Variants in RAD52 observed in about 807,000 individuals in gnomAD.
RAD52 encodes the protein DNA repair protein RAD52 homolog.
A neutral mutation model predicts 55.5 loss-of-function variants in RAD52; 47 were observed. The ratio of observed to expected loss-of-function variants is 0.85; its 90% CI spans 0.67 to 1.08. The LOEUF is 1.08. RAD52 is among the 50% of genes least tolerant of loss of function. RAD52 has a pLI of 0.00. For missense variants in RAD52, 468 were observed against 522.8 expected, an observed-to-expected ratio of 0.90 and a Z score of 1.02; for synonymous variants, 184 against 198.9, an observed-to-expected ratio of 0.92 and a Z score of 0.63.
chr12:928,715 T>G (rs1237265567), intron 5 of RAD52, among the ~76,000 whole-genome samples: 1 of 152,120 alleles, frequency 6.6e-6, no homozygotes, highest in Non-Finnish European at 1.5e-5. Flanking sequence ...ATTTATGTTT[T>G]CTCTTCACCA....
chr12:951,180 A>C (rs1592461957), upstream of RAD52, among the ~76,000 whole-genome samples: 1 of 152,074 alleles, frequency 6.6e-6, no homozygotes, highest in South Asian at 2.1e-4. Flanking sequence ...TGCTGCAATC[A>C]TGGCTCACTG....
At chr12:961,902 G>A (rs1208332908) in intron 1 of RAD52, among the ~76,000 whole-genome samples, 1 of 152,012 alleles carries the variant, frequency 6.6e-6, no homozygotes, top group African/African-American at 2.4e-5. Flanking sequence ...AGACACTAGA[G>A]GGATGTGCTC....
chr12:923,232 AG>A (rs1003881009), intron 7 of RAD52, among the ~76,000 whole-genome samples: 6 of 151,512 alleles, frequency 4.0e-5, no homozygotes, highest in African/African-American at 1.5e-4. Flanking sequence ...TAAAAAAAAA[AG>A]CCCCCAAAAA....
In RAD52 at chr12:916,474, G is replaced by C; in HGVS notation, c.735C>G (p.Ser245Arg). The change falls in exon 9 of 12, where the codon AGC becomes AGG. Residue 245 changes from serine to arginine, a missense_variant. Physicochemically the swap from Ser to Arg is moderately radical, Grantham distance 110. Coordinates refer to ENST00000358495, the MANE Select transcript of RAD52 (RefSeq NM_134424.4). ...TGGCCTCGCTCTCCACGGCGGATGA[G>C]CTCAGGCTTCTGCATGAGAGGGCGG... ...ADQDCSSRSL[S>R]SSAVESEATH... The C allele has an allele frequency of 6.2e-7, 1 of 1,607,698 alleles. No individual in the cohort carries two copies. Among genetic ancestry groups the C allele is most frequent in the Non-Finnish European group, 8.5e-7 (1 of 1,179,568 alleles).
At chr12:980,664 C>T (rs1251244423) in intron 1 of RAD52, among the ~76,000 whole-genome samples, 8 of 151,362 alleles carry the variant, frequency 5.3e-5, no homozygotes, top group African/African-American at 1.5e-4. Context: ...TGCAGTGCCA[C>T]GATCTCAGCT....
intron 6 of RAD52, chr12:926,860 G>A (rs759290169): frequency 5.5e-5 from 85 of 1,536,594 alleles, no homozygotes; most frequent in Non-Finnish European, 7.3e-5. Context: ...ACTCGCAGTA[G>A]GAGTGGGAAG....
intron 1 of RAD52, among the ~76,000 whole-genome samples, chr12:973,230 C>G (rs1435352500): frequency 4.6e-5 from 7 of 151,884 alleles, no homozygotes; most frequent in Admixed American, 4.6e-4. Context: ...CCACCACACC[C>G]GGCTAAGTTT....
chr12:932,548 A>C (rs990242744), intron 2 of RAD52, among the ~76,000 whole-genome samples: 1 of 152,162 alleles, frequency 6.6e-6, no homozygotes, highest in Non-Finnish European at 1.5e-5. Context: ...AATAGGAAAT[A>C]GGGAGATTTT....
chr12:975,072 T>G (rs1460718609), intron 1 of RAD52: 1 of 152,058 alleles, frequency 6.6e-6, no homozygotes, highest in Non-Finnish European at 1.5e-5. Flanking sequence ...AACTGTTCTA[T>G]TACATTATTA....
At chr12:930,435 T>C (rs979865483) in intron 3 of RAD52, among the ~76,000 whole-genome samples, 2 of 152,110 alleles carry the variant, frequency 1.3e-5, no homozygotes, top group African/African-American at 4.8e-5. Flanking sequence ...AAAAATCTTC[T>C]AGATGGAGCC....
intron 1 of RAD52, among the ~76,000 whole-genome samples, chr12:983,646 C>T (rs935927425): frequency 6.6e-6 from 1 of 152,146 alleles, no homozygotes; most frequent in Non-Finnish European, 1.5e-5. Flanking sequence ...TCTCCAACTC[C>T]TGACCTCAGG....
chr12:973,843 G>C (rs1228258031), intron 1 of RAD52, among the ~76,000 whole-genome samples: 2 of 147,604 alleles, frequency 1.4e-5, no homozygotes, highest in Non-Finnish European at 3.0e-5. Flanking sequence ...CTGGAGTGCA[G>C]TGGTGTGATC....
chr12:971,850 G>A (rs574890577), intron 1 of RAD52, among the ~76,000 whole-genome samples: 3 of 152,056 alleles, frequency 2.0e-5, no homozygotes, highest in South Asian at 2.1e-4. Flanking sequence ...CGGGGTTCAC[G>A]CCATTCTCCT....
upstream of RAD52, among the ~76,000 whole-genome samples, chr12:950,636 C>G (rs1423196093): frequency 6.6e-6 from 1 of 151,240 alleles, no homozygotes; most frequent in Non-Finnish European, 1.5e-5. Context: ...TGGTCTTGAA[C>G]TCCTCGCCTC....
At chr12:952,793 G>A (rs1268996403), upstream of RAD52, among the ~76,000 whole-genome samples, 1 of 148,982 alleles carries the variant, frequency 6.7e-6, no homozygotes, top group Middle Eastern at 3.5e-3. Flanking sequence ...TTGGGAGGCT[G>A]AGGCAGGAGA....
At chr12:921,635 A>G (rs1299784373) in intron 7 of RAD52, among the ~76,000 whole-genome samples, 2 of 152,144 alleles carry the variant, frequency 1.3e-5, no homozygotes, top group Non-Finnish European at 2.9e-5. Flanking sequence ...CAGGGAGCCA[A>G]GCCATGATCA....
At chr12:969,314 C>T (rs1003844189) in intron 1 of RAD52, among the ~76,000 whole-genome samples, 2 of 151,902 alleles carry the variant, frequency 1.3e-5, no homozygotes, top group Non-Finnish European at 2.9e-5. Flanking sequence ...AACATTCTCA[C>T]AATGAGAACT....
At chr12:960,628 T>TTTG (rs896497270) in intron 1 of RAD52, among the ~76,000 whole-genome samples, 10 of 152,012 alleles carry the variant, frequency 6.6e-5, no homozygotes, top group Non-Finnish European at 1.5e-4. Flanking sequence ...ACACCCTATT[T>TTTG]TTGTTGTTGT....
At chr12:960,252 T>C (rs1209717597) in intron 1 of RAD52, among the ~76,000 whole-genome samples, 1 of 152,058 alleles carries the variant, frequency 6.6e-6, no homozygotes, top group Non-Finnish European at 1.5e-5. Context: ...GGTAGCTTAG[T>C]GAAGTTGGAA....
Sources: gnomAD v4.1 joint callset for allele counts (sites outside exome capture counted in the v4.1 genomes callset) on GRCh38, gnomAD v4.1.1 for gene constraint, MANE v1.5 for transcripts, NCBI Gene and HGNC (gene_info 2026-07-23, HGNC 2026-07-21) for gene names.